The following ADGRV1 variants were observed in gnomAD, a reference collection of about 807,000 sequenced individuals.
The protein encoded by ADGRV1 is adhesion G protein-coupled receptor V1.
Under a neutral mutation model 596.2 loss-of-function variants are expected in ADGRV1, and 359 were observed. That is an observed-to-expected ratio of 0.60 (90% confidence interval 0.55 to 0.66). The LOEUF (loss-of-function observed/expected upper bound fraction) is 0.66. Among genes scored for constraint, ADGRV1 ranks in the 30% least tolerant of loss-of-function variants. ADGRV1 has a pLI of 0.00. For synonymous variants in ADGRV1, 2,681 were observed against 2,679.2 expected (o/e 1.00, Z -0.02); for missense variants, 7,274 against 7,575.6 (o/e 0.96, Z 1.48).
chr5:90,673,310 C>T (rs1393484463), intron 22 of ADGRV1, among the ~76,000 whole-genome samples: 1 of 152,130 alleles, frequency 6.6e-6, no homozygotes, highest in Non-Finnish European at 1.5e-5. Context: ...ATAGAACATG[C>T]AGTTTCTTAA....
At chr5:91,098,228 A>G (rs1791047381) in intron 86 of ADGRV1, among the ~76,000 whole-genome samples, 1 of 152,182 alleles carries the variant, frequency 6.6e-6, no homozygotes, top group African/African-American at 2.4e-5. Context: ...ACTGTTTTTC[A>G]GTTTGCCAAA....
rs986245463 is a variant in ADGRV1 at position 90,785,067 on chromosome 5, C to T, written c.13653+1010C>T. Among the ~76,000 whole-genome samples the T allele has an allele frequency of 3.0e-4, 45 of 152,192 alleles. No individual in the cohort carries two copies. In the South Asian group the frequency reaches 4.8e-3, roughly 16 times the overall value. ...AAACAGCGTGGTACTGGTACCAAAA[C>T]AGATATATAGACCAATGGAACAGAA... On this transcript the variant is annotated intron_variant, in intron 67 of 89. Transcript: ENST00000405460.
At chr5:91,055,652 C>T (rs1020256777) in intron 85 of ADGRV1, among the ~76,000 whole-genome samples, 2 of 152,202 alleles carry the variant, frequency 1.3e-5, no homozygotes, top group Non-Finnish European at 2.9e-5. Context: ...AAGCTCTTCA[C>T]TTTCTCACTG....
intron 71 of ADGRV1, 36 bp from the exon 72 acceptor site, chr5:90,805,248 G>A (rs1212205495): frequency 1.3e-6 from 2 of 1,581,950 alleles, no homozygotes; most frequent in South Asian, 1.1e-5. Flanking sequence ...AAGGTTTAGA[G>A]AGAAATAAAA....
chr5:90,712,362 G>T lies in ADGRV1; in HGVS notation c.9118G>T (p.Asp3040Tyr). The T allele has an allele frequency of 2.5e-6, 4 of 1,576,402 alleles. 1 individual carries two copies. The South Asian group carries it at 4.6e-5, about 18-fold the overall frequency. The change falls in exon 42 of 90, where the codon GAT (aspartate) becomes TAT (tyrosine). Residue 3040 changes from aspartate to tyrosine, a missense_variant. By Grantham distance (160) the Asp-to-Tyr change is radical. Around this residue, in one of 5 missense-constraint regions of ADGRV1, gnomAD observed 3,643 missense variants for 3,809.2 expected, o/e 0.96. Transcript: ENST00000405460. Reference protein sequence around the residue: ...MILDDDIPEGDEKFQLILTNP... With the variant: ...MILDDDIPEGYEKFQLILTNP... ...TCTTGATGATGACATTCCAGAAGGA[G>T]ATGAAAAATTTCAGCTGATTTTAAC...
chr5:90,690,503 C>A (rs1211243399), intron 30 of ADGRV1, among the ~76,000 whole-genome samples: 1 of 152,146 alleles, frequency 6.6e-6, no homozygotes, highest in Non-Finnish European at 1.5e-5. Flanking sequence ...CCCTCTGGAG[C>A]AGGCTTGCAC....
chr5:90,686,165 G>A lies in ADGRV1; in HGVS notation c.6490+170G>A, dbSNP rs57363721. 0.034 allele frequency among the ~76,000 whole-genome samples: 5,173 copies of A among 150,230 alleles called. 183 individuals carry two copies. The highest frequency in any genetic ancestry group is 0.091 in the African/African-American group (3,715 of 40,972). On this transcript the variant is annotated intron_variant, in intron 29 of 89. Coordinates refer to ENST00000405460, the MANE Select transcript of ADGRV1 (RefSeq NM_032119.4). ...ACAAATCTAGAGTCTTTTTTTTTGGGGGGGGGGATGGAGTCTCGCTTGATT... is the reference window on the plus strand; with the variant it reads ...ACAAATCTAGAGTCTTTTTTTTTGGAGGGGGGGATGGAGTCTCGCTTGATT...
intron 83 of ADGRV1, among the ~76,000 whole-genome samples, chr5:90,895,796 C>T (rs1250517144): frequency 1.3e-5 from 2 of 152,292 alleles, no homozygotes; most frequent in East Asian, 3.9e-4. Flanking sequence ...AGGGAGCATA[C>T]AGCCAAAATC....
chr5:91,155,470 C>T (rs1449705901), intron 89 of ADGRV1, among the ~76,000 whole-genome samples: 1 of 152,166 alleles, frequency 6.6e-6, no homozygotes, highest in African/African-American at 2.4e-5. Context: ...AGTTCCCCAG[C>T]TGGGTTTCAG....
intron 11 of ADGRV1, 112 bp downstream of exon 11, chr5:90,638,060 G>T: frequency 1.4e-6 from 1 of 735,280 alleles, no homozygotes; most frequent in African/African-American, 1.8e-5. Flanking sequence ...AAAAAGTCAA[G>T]TAAATAGTGT....
At chr5:90,943,945 GA>G (rs1282744987) in intron 83 of ADGRV1, among the ~76,000 whole-genome samples, 5 of 152,260 alleles carry the variant, frequency 3.3e-5, no homozygotes, top group Middle Eastern at 6.8e-3. Flanking sequence ...AGGTATACAT[GA>G]ATTGAGGTGT....
intron 57 of ADGRV1, 77 bp downstream of exon 57, chr5:90,757,238 C>T (rs1042485097): frequency 2.4e-5 from 28 of 1,172,124 alleles, no homozygotes; most frequent in Admixed American, 5.6e-5. Flanking sequence ...AATGAATGTA[C>T]ATTGGTGATT....
At chr5:90,669,888 A>T (rs896441504) in intron 21 of ADGRV1, among the ~76,000 whole-genome samples, 4 of 152,252 alleles carry the variant, frequency 2.6e-5, no homozygotes, top group Non-Finnish European at 4.4e-5. Flanking sequence ...GAACAATTTC[A>T]TGATTTCAAA....
chr5:91,104,915 A>C (rs1791720733), intron 87 of ADGRV1, among the ~76,000 whole-genome samples: 3 of 139,646 alleles, frequency 2.1e-5, no homozygotes, highest in Admixed American at 7.8e-5. Context: ...GCTGGAATGC[A>C]GTGGCGCGAA....
intron 85 of ADGRV1, among the ~76,000 whole-genome samples, chr5:91,017,025 A>C (rs1249656440): frequency 3.3e-5 from 5 of 151,934 alleles, no homozygotes; most frequent in Non-Finnish European, 1.5e-5. Context: ...TTATGAAATC[A>C]TTGTTCCATT....
chr5:90,975,392 A>T (rs1329499375), intron 84 of ADGRV1, among the ~76,000 whole-genome samples: 2 of 152,238 alleles, frequency 1.3e-5, no homozygotes, highest in Admixed American at 6.5e-5. Context: ...CTATAAAGAC[A>T]CATGCACGTG....
intron 48 of ADGRV1, among the ~76,000 whole-genome samples, chr5:90,725,950 G>GT (rs1191322431): frequency 1.3e-5 from 2 of 152,148 alleles, no homozygotes; most frequent in African/African-American, 4.8e-5. Flanking sequence ...GCCAGACAGA[G>GT]TATCACTAAA....
At chr5:90,763,851 AT>A (rs1756785714) in intron 59 of ADGRV1, among the ~76,000 whole-genome samples, 1 of 152,208 alleles carries the variant, frequency 6.6e-6, no homozygotes, top group South Asian at 2.1e-4. Context: ...TTCAAAGGAC[AT>A]GATTTAATTA....
At chr5:90,624,953 A>G (rs1764545231) in intron 5 of ADGRV1, among the ~76,000 whole-genome samples, 177 bp from the exon 6 acceptor site, 1 of 152,208 alleles carries the variant, frequency 6.6e-6, no homozygotes, top group Non-Finnish European at 1.5e-5. Context: ...TATAGTCAAT[A>G]TCTATAATTA....
Sources: allele counts gnomAD v4.1 joint callset (sites outside exome capture counted in the v4.1 genomes callset), GRCh38; gene constraint gnomAD v4.1.1; regional missense constraint gnomAD v4.1.1; transcripts MANE v1.5; gene names NCBI Gene and HGNC (gene_info 2026-07-23, HGNC 2026-07-21).